GPC6: variants seen among roughly 807,000 people sequenced by gnomAD.
GPC6 encodes the protein glypican-6.
In GPC6, 14 loss-of-function variants were observed where a neutral mutation model predicts 55.2. The observed-to-expected ratio is 0.25, with a 90% confidence interval of 0.17 to 0.40. The LOEUF is 0.40. Ranked by LOEUF, GPC6 falls within the 10% of genes least tolerant of loss-of-function variation. The pLI is 1.00. For synonymous variants in GPC6, 278 were observed against 259.6 expected, an observed-to-expected ratio of 1.07 and a Z score of -0.68; for missense variants, 641 against 708.5, an observed-to-expected ratio of 0.90 and a Z score of 1.08.
intron 1 of GPC6, among the ~76,000 whole-genome samples, chr13:93,257,711 T>C (rs1030369459): frequency 1.3e-5 from 2 of 152,176 alleles, no homozygotes; most frequent in African/African-American, 4.8e-5. Flanking sequence ...GCAGAGACAA[T>C]TCACTTGTCC....
chr13:93,241,197 A>G (rs1170418864), intron 1 of GPC6, among the ~76,000 whole-genome samples: 1 of 152,220 alleles, frequency 6.6e-6, no homozygotes, highest in East Asian at 1.9e-4. Context: ...TCAAGACCAG[A>G]CAAGTTTGCC....
chr13:94,380,881 A>G (rs1391644396), intron 6 of GPC6, among the ~76,000 whole-genome samples: 2 of 152,184 alleles, frequency 1.3e-5, no homozygotes, highest in Non-Finnish European at 2.9e-5. Context: ...AGGACTCTTC[A>G]GCTTTTTCTT....
intron 2 of GPC6, among the ~76,000 whole-genome samples, chr13:93,627,912 A>G (rs1454233684): frequency 1.3e-5 from 2 of 152,212 alleles, no homozygotes; most frequent in Admixed American, 1.3e-4. Context: ...CATAAATTTC[A>G]TACTTAACTG....
chr13:93,692,296 A>G (rs1469519974), intron 2 of GPC6, among the ~76,000 whole-genome samples: 1 of 152,148 alleles, frequency 6.6e-6, no homozygotes, highest in African/African-American at 2.4e-5. Flanking sequence ...TTTCATGTTC[A>G]GTCAAATGCA....
At chr13:93,574,955 G>T (rs1029239725) in intron 2 of GPC6, among the ~76,000 whole-genome samples, 1 of 152,120 alleles carries the variant, frequency 6.6e-6, no homozygotes, top group Non-Finnish European at 1.5e-5. Flanking sequence ...ACCCAGGGAA[G>T]TGCTTAATGT....
At chr13:93,317,742 G>C (rs1000993730) in intron 1 of GPC6, among the ~76,000 whole-genome samples, 1 of 152,294 alleles carries the variant, frequency 6.6e-6, no homozygotes, top group East Asian at 1.9e-4. Flanking sequence ...TACCAGTGAA[G>C]AGTGAAACAC....
chr13:93,489,324 G>A (rs199763302), intron 1 of GPC6, among the ~76,000 whole-genome samples: 1 of 151,300 alleles, frequency 6.6e-6, no homozygotes, highest in Non-Finnish European at 1.5e-5. Flanking sequence ...TGTTCCACTG[G>A]TCTATATCTC....
intron 1 of GPC6, among the ~76,000 whole-genome samples, chr13:93,410,043 C>A (rs1264172112): frequency 1.3e-5 from 2 of 152,164 alleles, no homozygotes; most frequent in Non-Finnish European, 2.9e-5. Context: ...AAGCTGGCTT[C>A]TGTTTCTTGA....
At chr13:93,246,753 C>CT (rs1460121969) in intron 1 of GPC6, among the ~76,000 whole-genome samples, 16 of 120,510 alleles carry the variant, frequency 1.3e-4, no homozygotes, top group South Asian at 1.1e-3. Flanking sequence ...GATTGTGCCA[C>CT]TGCATTCAGG....
intron 3 of GPC6, among the ~76,000 whole-genome samples, chr13:93,960,952 A>G (rs560994821): frequency 6.6e-6 from 1 of 151,962 alleles, no homozygotes; most frequent in South Asian, 2.1e-4. Flanking sequence ...AGCTGGGACT[A>G]CAGGCACCCG....
At chr13:94,133,267 CAAAAAAAAAA>C (rs66499161) in intron 4 of GPC6, among the ~76,000 whole-genome samples, 2 of 85,102 alleles carry the variant, frequency 2.4e-5, no homozygotes, top group African/African-American at 5.0e-5. Context: ...TGACCAGTGA[CAAAAAAAAAA>C]AAAAAAAAAA....
chr13:93,761,199 AC>A (rs1884943718), intron 2 of GPC6, among the ~76,000 whole-genome samples: 1 of 152,190 alleles, frequency 6.6e-6, no homozygotes, highest in African/African-American at 2.4e-5. Flanking sequence ...TCAGTAAATA[AC>A]TATGAATTAG....
intron 2 of GPC6, among the ~76,000 whole-genome samples, chr13:93,766,920 C>CCCAAA (rs1885144745): frequency 6.6e-6 from 1 of 151,992 alleles, no homozygotes; most frequent in African/African-American, 2.4e-5. Flanking sequence ...CTCATTTTAG[C>CCCAAA]TGAGTGGACA....
At position 94,138,944 on chromosome 13, in the gene GPC6, C is replaced by T. The variant is rs374021435; in HGVS notation, c.877+111050C>T. Among the ~76,000 whole-genome samples, 6 of 152,120 alleles carry T rather than the reference C, an allele frequency of 3.9e-5. No homozygotes were observed. In the South Asian group the frequency reaches 6.2e-4, roughly 16 times the overall value. ...AGGAAACCAGATAACTTACTATATA[C>T]CGGGATAAGGAATGTGATTATGGTA... On this transcript the variant is annotated intron_variant, in intron 4 of 8. Transcript: ENST00000377047.
intron 7 of GPC6, among the ~76,000 whole-genome samples, chr13:94,386,639 A>G (rs1319044787): frequency 6.6e-6 from 1 of 152,226 alleles, no homozygotes; most frequent in Non-Finnish European, 1.5e-5. Flanking sequence ...TAAAAAATCC[A>G]TCACGTATTA....
intron 4 of GPC6, among the ~76,000 whole-genome samples, chr13:94,159,603 G>A (rs1888083372): frequency 6.6e-6 from 1 of 152,134 alleles, no homozygotes; most frequent in Non-Finnish European, 1.5e-5. Context: ...AATCATGGAA[G>A]CTACAATTCA....
intron 4 of GPC6, among the ~76,000 whole-genome samples, chr13:94,139,250 C>A (rs1054728108): frequency 2.0e-5 from 3 of 152,022 alleles, no homozygotes; most frequent in African/African-American, 7.3e-5. Context: ...GTGATAGGTA[C>A]CCTAAAAGCC....
At chr13:93,900,303 GC>G (rs1359911341) in intron 3 of GPC6, among the ~76,000 whole-genome samples, 1 of 151,976 alleles carries the variant, frequency 6.6e-6, no homozygotes, top group Non-Finnish European at 1.5e-5. Flanking sequence ...CATTCAGTTG[GC>G]CTCTTCCATA....
At chr13:94,398,860 A>G (rs1174006852) in intron 8 of GPC6, among the ~76,000 whole-genome samples, 1 of 152,248 alleles carries the variant, frequency 6.6e-6, no homozygotes, top group African/African-American at 2.4e-5. Context: ...AATAATTGCA[A>G]TGGATTACAT....
Sources: allele counts gnomAD v4.1 joint callset (sites outside exome capture counted in the v4.1 genomes callset), GRCh38; gene constraint gnomAD v4.1.1; transcripts MANE v1.5; gene names NCBI Gene and HGNC (gene_info 2026-07-23, HGNC 2026-07-21).